The following ZBTB7C variants were observed in gnomAD, a reference collection of about 807,000 sequenced individuals.
ZBTB7C encodes the protein zinc finger and BTB domain-containing protein 7C.
ZBTB7C carries 8 observed loss-of-function variants against 25.7 expected under a neutral mutation model. That is an observed-to-expected ratio of 0.31 (90% confidence interval 0.18 to 0.56). ZBTB7C has a LOEUF of 0.56. Ranked by LOEUF, ZBTB7C falls within the 20% of genes least tolerant of loss-of-function variation. The pLI, the probability that ZBTB7C is intolerant of heterozygous loss-of-function variation, is 0.91. For missense variants in ZBTB7C, 824 were observed against 855.2 expected, an observed-to-expected ratio of 0.96 and a Z score of 0.46; for synonymous variants, 394 against 369.0, an observed-to-expected ratio of 1.07 and a Z score of -0.78.
chr18:48,350,322 C>T (rs928687433), intron 1 of ZBTB7C, among the ~76,000 whole-genome samples: 1 of 152,190 alleles, frequency 6.6e-6, no homozygotes, highest in Non-Finnish European at 1.5e-5. Context: ...TTGGCTGGTG[C>T]ACCTTCCTCC....
intron 2 of ZBTB7C, among the ~76,000 whole-genome samples, chr18:48,265,800 C>T (rs143885752): frequency 2.0e-5 from 3 of 152,314 alleles, no homozygotes; most frequent in East Asian, 3.9e-4. Flanking sequence ...TGAGAAACTG[C>T]TCACAGACTG....
At chr18:48,358,789 G>A (rs1006610843) in intron 1 of ZBTB7C, among the ~76,000 whole-genome samples, 3 of 152,204 alleles carry the variant, frequency 2.0e-5, no homozygotes, top group African/African-American at 7.2e-5. Context: ...TGACAAGCCT[G>A]TGAATATACT....
intron 2 of ZBTB7C, among the ~76,000 whole-genome samples, chr18:48,298,189 A>G (rs1486091091): frequency 5.3e-5 from 8 of 151,682 alleles, no homozygotes; most frequent in African/African-American, 1.9e-4. Flanking sequence ...CTGCGGCAGG[A>G]GAATTACTTG....
At chr18:48,257,811 A>G (rs1326430787) in intron 2 of ZBTB7C, among the ~76,000 whole-genome samples, 1 of 152,126 alleles carries the variant, frequency 6.6e-6, no homozygotes, top group Non-Finnish European at 1.5e-5. Context: ...AGGATCATGC[A>G]AATAGATGCA....
At chr18:48,384,383 C>T (rs2047699569) in intron 1 of ZBTB7C, among the ~76,000 whole-genome samples, 1 of 152,222 alleles carries the variant, frequency 6.6e-6, no homozygotes, top group African/African-American at 2.4e-5. Flanking sequence ...GGATTCAGAA[C>T]ACGACTGGTG....
chr18:48,110,804 G>T (rs73956492), intron 3 of ZBTB7C, among the ~76,000 whole-genome samples: 2 of 152,086 alleles, frequency 1.3e-5, no homozygotes, highest in African/African-American at 4.8e-5. Flanking sequence ...GGAAAAGAAG[G>T]GCCCCAGGAG....
intron 2 of ZBTB7C, among the ~76,000 whole-genome samples, chr18:48,284,213 G>A (rs2044961746): frequency 6.6e-6 from 1 of 152,208 alleles, no homozygotes; most frequent in Non-Finnish European, 1.5e-5. Context: ...CCAGCACTCT[G>A]GGAGGCCAAG....
At chr18:48,162,837 G>A (rs2041113789) in intron 3 of ZBTB7C, among the ~76,000 whole-genome samples, 1 of 152,230 alleles carries the variant, frequency 6.6e-6, no homozygotes, top group Admixed American at 6.5e-5. Context: ...GACGCAGGAT[G>A]GAGAGGACAG....
intron 4 of ZBTB7C, among the ~76,000 whole-genome samples, chr18:48,031,728 A>C (rs1443231331): frequency 1.3e-5 from 2 of 152,052 alleles, no homozygotes; most frequent in Non-Finnish European, 2.9e-5. Flanking sequence ...TGGTCCGTGG[A>C]CCCCACACTG....
intron 2 of ZBTB7C, among the ~76,000 whole-genome samples, chr18:48,200,394 G>A (rs141264287): frequency 1.8e-4 from 28 of 151,968 alleles, no homozygotes; most frequent in African/African-American, 6.5e-4. Context: ...AGGGAAGGAC[G>A]AGGAGGGCAA....
chr18:48,385,667 G>A (rs2047730775), intron 1 of ZBTB7C, among the ~76,000 whole-genome samples: 1 of 152,252 alleles, frequency 6.6e-6, no homozygotes, highest in Non-Finnish European at 1.5e-5. Flanking sequence ...CATATGCAGA[G>A]AAGTAACTGA....
intron 2 of ZBTB7C, among the ~76,000 whole-genome samples, chr18:48,235,900 C>T (rs1944569): frequency 0.99 from 150,666 of 152,294 alleles, 74,549 homozygotes; most frequent in Middle Eastern, 1. Flanking sequence ...AATTTCTAAA[C>T]GTGTGTTTCT....
intron 2 of ZBTB7C, among the ~76,000 whole-genome samples, chr18:48,268,103 G>A (rs1438765202): frequency 6.6e-6 from 1 of 152,304 alleles, no homozygotes; most frequent in East Asian, 1.9e-4. Flanking sequence ...CTTTCAATAG[G>A]CAAATGAGAA....
At chr18:48,135,723 C>A (rs1440056074) in intron 3 of ZBTB7C, among the ~76,000 whole-genome samples, 7 of 152,148 alleles carry the variant, frequency 4.6e-5, no homozygotes, top group African/African-American at 4.8e-5. Context: ...CCTGGCAGAG[C>A]CTTTACCACC....
At chr18:48,403,782 A>T (rs1162468132) in intron 1 of ZBTB7C, among the ~76,000 whole-genome samples, 1 of 152,154 alleles carries the variant, frequency 6.6e-6, no homozygotes, top group East Asian at 1.9e-4. Context: ...TAAAGAACTT[A>T]CTCATGTAAC....
At chr18:48,180,287 C>T (rs1288917881) in intron 3 of ZBTB7C, 3 of 456,348 alleles carry the variant, frequency 6.6e-6, no homozygotes, top group African/African-American at 6.0e-5. Context: ...ATATTAATCT[C>T]CCTAGACCTT....
chr18:48,264,282 C>T lies in ZBTB7C; in HGVS notation c.-79+73892G>A, dbSNP rs116523076. Among the ~76,000 whole-genome samples the T allele has an allele frequency of 3.2e-3, 488 of 152,296 alleles. 3 individuals carry two copies. The highest frequency in any genetic ancestry group is 0.011 in the African/African-American group (462 of 41,574). On this transcript the variant is annotated intron_variant, in intron 2 of 4. Coordinates refer to ENST00000590800, the MANE Select transcript of ZBTB7C (RefSeq NM_001318841.2). ...ATGGGGCGAATAAGACTGAGCTGCT[C>T]ATTGTTTAAAATGACCACAGAATGA...
intron 3 of ZBTB7C, among the ~76,000 whole-genome samples, chr18:48,161,776 C>T (rs2041054933): frequency 1.3e-5 from 2 of 150,848 alleles, no homozygotes; most frequent in African/African-American, 2.4e-5. Context: ...TTCCCGGGCG[C>T]CCCGCCCTCT....
chr18:48,243,268 C>CCCA (rs2043580369), intron 2 of ZBTB7C, among the ~76,000 whole-genome samples: 2 of 48,448 alleles, frequency 4.1e-5, no homozygotes, highest in Non-Finnish European at 7.6e-5. Context: ...TCTACCCCCC[C>CCCA]ACAAAAAAAA....
Sources: allele counts gnomAD v4.1 joint callset (sites outside exome capture counted in the v4.1 genomes callset), GRCh38; gene constraint gnomAD v4.1.1; transcripts MANE v1.5; gene names NCBI Gene and HGNC (gene_info 2026-07-23, HGNC 2026-07-21).